The following LRMDA variants were observed in gnomAD, a reference collection of about 807,000 sequenced individuals.
LRMDA encodes leucine-rich melanocyte differentiation-associated protein.
A neutral mutation model predicts 29.8 loss-of-function variants in LRMDA; 18 were observed. That is an observed-to-expected ratio of 0.60 (90% CI 0.42 to 0.90). LRMDA has a LOEUF of 0.90. LRMDA is among the 40% of genes least tolerant of loss of function. The pLI, the probability that LRMDA is intolerant of heterozygous loss-of-function variation, is 0.00. For missense variants in LRMDA, 273 were observed against 273.9 expected (o/e 1.00, Z 0.02); for synonymous variants, 125 against 109.4 (o/e 1.14, Z -0.89).
chr10:75,646,486 C>T (rs868742315), intron 2 of LRMDA, among the ~76,000 whole-genome samples: 36 of 152,260 alleles, frequency 2.4e-4, no homozygotes, highest in African/African-American at 7.2e-4. Flanking sequence ...GTGGCCTCCG[C>T]GAAGAGATAT....
chr10:75,973,288 T>G (rs1294936075), intron 2 of LRMDA, among the ~76,000 whole-genome samples: 1 of 152,252 alleles, frequency 6.6e-6, no homozygotes, highest in African/African-American at 2.4e-5. Flanking sequence ...CTCAGGACTA[T>G]GTGACACTGT....
At chr10:75,956,557 C>T (rs898529947) in intron 2 of LRMDA, among the ~76,000 whole-genome samples, 14 of 152,144 alleles carry the variant, frequency 9.2e-5, no homozygotes, top group African/African-American at 3.4e-4. Flanking sequence ...CATCACTGTA[C>T]AAGTGTGGTC....
chr10:76,054,238 G>A (rs1445528110), intron 4 of LRMDA, among the ~76,000 whole-genome samples: 1 of 152,120 alleles, frequency 6.6e-6, no homozygotes, highest in Non-Finnish European at 1.5e-5. Context: ...AGTCCTCCTA[G>A]TGTCCCTCAC....
intron 6 of LRMDA, among the ~76,000 whole-genome samples, chr10:76,503,318 G>A (rs896240515): frequency 2.6e-5 from 4 of 151,446 alleles, no homozygotes; most frequent in African/African-American, 4.8e-5. Context: ...TGGAGCCTAC[G>A]GACTGGCGCT....
chr10:75,807,133 T>A (rs1843868794), intron 2 of LRMDA, among the ~76,000 whole-genome samples: 1 of 152,174 alleles, frequency 6.6e-6, no homozygotes, highest in African/African-American at 2.4e-5. Flanking sequence ...TGACTTTAGC[T>A]GGAGGTCGGT....
At chr10:75,837,103 T>C (rs1048860207) in intron 2 of LRMDA, among the ~76,000 whole-genome samples, 3 of 152,174 alleles carry the variant, frequency 2.0e-5, no homozygotes, top group Non-Finnish European at 4.4e-5. Context: ...TTGATATAGA[T>C]AGAGATGACT....
At chr10:76,095,937 C>A (rs1476452067) in intron 5 of LRMDA, among the ~76,000 whole-genome samples, 1 of 148,834 alleles carries the variant, frequency 6.7e-6, no homozygotes, top group East Asian at 2.0e-4. Flanking sequence ...AGCGAGACTC[C>A]GTCTCAGAAA....
intron 5 of LRMDA, among the ~76,000 whole-genome samples, chr10:76,260,072 T>G (rs1839913800): frequency 1.3e-5 from 2 of 152,268 alleles, no homozygotes; most frequent in South Asian, 4.1e-4. Context: ...TTAATCCATT[T>G]ACATACAAGG....
At chr10:76,091,718 C>G (rs1389879528) in intron 5 of LRMDA, among the ~76,000 whole-genome samples, 2 of 152,110 alleles carry the variant, frequency 1.3e-5, no homozygotes, top group Non-Finnish European at 2.9e-5. Flanking sequence ...GGTAGAGTCT[C>G]TCTTTGTTGC....
chr10:75,628,813 A>G (rs1018353928), intron 2 of LRMDA, among the ~76,000 whole-genome samples: 1 of 152,172 alleles, frequency 6.6e-6, no homozygotes, highest in African/African-American at 2.4e-5. Flanking sequence ...TGCATGTGCC[A>G]CTGGTTTCCA....
chr10:75,632,600 T>C (rs1356542785), intron 2 of LRMDA, among the ~76,000 whole-genome samples: 1 of 151,986 alleles, frequency 6.6e-6, no homozygotes, highest in African/African-American at 2.4e-5. Context: ...AGTTATATGC[T>C]AAAATGTGCT....
At chr10:75,500,517 A>G (rs1242656394) in intron 2 of LRMDA, among the ~76,000 whole-genome samples, 1 of 152,234 alleles carries the variant, frequency 6.6e-6, no homozygotes, top group African/African-American at 2.4e-5. Context: ...TTCAAGTGAT[A>G]TAGTAGATAT....
At chr10:76,298,979 C>T (rs577435204) in intron 5 of LRMDA, among the ~76,000 whole-genome samples, 3 of 152,044 alleles carry the variant, frequency 2.0e-5, no homozygotes, top group Admixed American at 6.6e-5. Context: ...TGGTTGGCCA[C>T]CTTCTTCCAT....
At chr10:76,112,834 T>G (rs1310439230) in intron 5 of LRMDA, among the ~76,000 whole-genome samples, 1 of 152,180 alleles carries the variant, frequency 6.6e-6, no homozygotes, top group African/African-American at 2.4e-5. Context: ...GCTGCTTCTC[T>G]CTCTCTTTTT....
At chr10:75,599,462 T>TTG (rs1840852273) in intron 2 of LRMDA, among the ~76,000 whole-genome samples, 1 of 152,124 alleles carries the variant, frequency 6.6e-6, no homozygotes, top group Non-Finnish European at 1.5e-5. Context: ...CCACAGGTAA[T>TTG]TGTAGGGTGA....
intron 5 of LRMDA, among the ~76,000 whole-genome samples, chr10:76,278,568 G>A (rs1287745358): frequency 6.6e-6 from 1 of 152,156 alleles, no homozygotes; most frequent in Non-Finnish European, 1.5e-5. Context: ...AAGATAACCT[G>A]ACAGTCAGCG....
Position 76,056,807 on chromosome 10 carries a change from G to C in LRMDA, c.399-1859G>C, listed in dbSNP as rs545834135. ...AGCCCCCAAGAGCACAGGGATGCCT[G>C]GGTCTGCAGCTGCAGCTGGGCAGCT... On this transcript the variant is annotated intron_variant, in intron 4 of 6. Coordinates refer to ENST00000611255, the MANE Select transcript of LRMDA (RefSeq NM_001305581.2). Among the ~76,000 whole-genome samples the C allele has an allele frequency of 3.3e-5, 5 of 152,294 alleles. No homozygotes were observed. In the South Asian group the frequency reaches 1.0e-3, roughly 32 times the overall value.
In LRMDA at chr10:75,827,523, C is replaced by G. The variant is rs553434483; in HGVS notation, c.132-208485C>G. ...AAGCATGTTTGGAATGAACACCCTCCTCATCACAAGTTTTATGAAATAGTG... is the reference window on the plus strand; with the variant it reads ...AAGCATGTTTGGAATGAACACCCTCGTCATCACAAGTTTTATGAAATAGTG... On this transcript the variant is annotated intron_variant, in intron 2 of 6. Transcript: ENST00000611255. Among the ~76,000 whole-genome samples the G allele has an allele frequency of 5.3e-5, 8 of 152,280 alleles. No homozygotes were observed. The East Asian group carries it at 1.4e-3, about 26-fold the overall frequency.
chr10:76,545,342 C>CA (rs1192424698), intron 6 of LRMDA, among the ~76,000 whole-genome samples: 1 of 151,796 alleles, frequency 6.6e-6, no homozygotes, highest in Non-Finnish European at 1.5e-5. Flanking sequence ...ATCTGAAGCC[C>CA]AAAAGCAAAT....
Sources: allele counts gnomAD v4.1 joint callset (sites outside exome capture counted in the v4.1 genomes callset), GRCh38; gene constraint gnomAD v4.1.1; transcripts MANE v1.5; gene names NCBI Gene and HGNC (gene_info 2026-07-23, HGNC 2026-07-21).